Variants in CETP observed in about 807,000 individuals in gnomAD.
The protein encoded by CETP is cholesteryl ester transfer protein.
In CETP, 56 loss-of-function variants were observed where a neutral mutation model predicts 66.5. That is an observed-to-expected ratio of 0.84 (90% CI 0.68 to 1.05). The LOEUF (loss-of-function observed/expected upper bound fraction) is 1.05, where lower values mean the gene tolerates loss of function less well. CETP is among the 50% of genes least tolerant of loss of function. The pLI, the probability that CETP is intolerant of heterozygous loss-of-function variation, is 0.00. For missense variants in CETP, 612 were observed against 609.6 expected (o/e 1.00, Z -0.04); for synonymous variants, 251 against 245.7 (o/e 1.02, Z -0.20).
At chr16:56,967,510 C>T (rs1362090563) in intron 2 of CETP, among the ~76,000 whole-genome samples, 1 of 151,940 alleles carries the variant, frequency 6.6e-6, no homozygotes, top group African/African-American at 2.4e-5. Context: ...CAAAAATTAG[C>T]TGGATGTCGT....
At position 56,969,563 on chromosome 16, in the gene CETP, C is replaced by T; in HGVS notation, c.368+43C>T. 5 of 1,614,194 alleles carry T rather than the reference C, an allele frequency of 3.1e-6. No homozygotes were observed. In the South Asian group the frequency reaches 4.4e-5, roughly 14 times the overall value. ...CTGATGCCCCATGCCCTGGCCCTCTCTGGGCTGGAGGGCTGAATGAGGGTC... is the reference window on the plus strand; with the variant it reads ...CTGATGCCCCATGCCCTGGCCCTCTTTGGGCTGGAGGGCTGAATGAGGGTC... On this transcript the variant is annotated intron_variant, in intron 3 of 15. Coordinates refer to ENST00000200676, the MANE Select transcript of CETP (RefSeq NM_000078.3).
At position 56,969,485 on chromosome 16, in the gene CETP, G is replaced by A. The variant is rs2056092405; in HGVS notation, c.333G>A (p.Lys111=). The change falls in exon 3 of 16, where the codon AAG becomes AAA. Residue 111 remains lysine, a synonymous_variant. Transcript: ENST00000200676. ...VSIQNVSVVF[K]GTLKYGYTTA... is the part of the protein sequence containing the mutation. ...TTCAGAACGTGTCTGTGGTCTTCAA[G>A]GGGACCCTGAAGTATGGCTACACCA... 1 of 1,614,090 alleles carries A rather than the reference G, an allele frequency of 6.2e-7. No individual in the cohort carries two copies. Among genetic ancestry groups the A allele is most frequent in the African/African-American group, 1.3e-5 (1 of 74,926 alleles).
At chr16:56,983,183 C>A in intron 14 of CETP, 143 bp from the exon 15 acceptor site, 1 of 725,360 alleles carries the variant, frequency 1.4e-6, no homozygotes, top group Non-Finnish European at 2.5e-6. Context: ...CACTTGCTCA[C>A]TCTGCTAAAT....
chr16:56,962,389 G>T (rs1191708102), intron 1 of CETP: 1 of 655,084 alleles, frequency 1.5e-6, no homozygotes, highest in South Asian at 1.4e-5. Context: ...TTAGGGTTCA[G>T]ATCTGAGCCA....
intron 10 of CETP, among the ~76,000 whole-genome samples, chr16:56,975,994 G>A (rs1376980695): frequency 5.9e-5 from 9 of 152,138 alleles, no homozygotes; most frequent in African/African-American, 1.7e-4. Flanking sequence ...AACTCAGGCC[G>A]TCCAGCCTTC....
chr16:56,966,860 C>A (rs1429980145), intron 2 of CETP, among the ~76,000 whole-genome samples: 2 of 151,672 alleles, frequency 1.3e-5, no homozygotes, highest in African/African-American at 4.8e-5. Context: ...GATGATCCAC[C>A]TGCCTCGGCC....
At chr16:56,963,995 TTTATTTA>T (rs1567468787) in intron 2 of CETP, among the ~76,000 whole-genome samples, 6 of 12,528 alleles carry the variant, frequency 4.8e-4, no homozygotes, top group Admixed American at 2.1e-3. Flanking sequence ...CTTTATTTTA[TTTATTTA>T]TTTATTTATT....
chr16:56,972,294 C>T (rs906567878), intron 8 of CETP, among the ~76,000 whole-genome samples: 1 of 152,206 alleles, frequency 6.6e-6, no homozygotes, highest in Admixed American at 6.5e-5. Flanking sequence ...CTGCAGGCAC[C>T]AGGGCTGCCC....
chr16:56,971,240 T>TC, intron 6 of CETP, 81 bp from the exon 7 acceptor site: 1 of 1,548,044 alleles, frequency 6.5e-7, no homozygotes, highest in East Asian at 2.2e-5. Flanking sequence ...TCCCCAGCAC[T>TC]GCCACCACCA....
rs769765197 is a variant in CETP at position 56,978,186 on chromosome 16, T to C, written c.1077T>C (p.Ser359=). 10 of 1,614,118 alleles carry C rather than the reference T, an allele frequency of 6.2e-6. No individual in the cohort carries two copies. In the East Asian group the frequency reaches 2.2e-4, roughly 36 times the overall value. ...AAAACAAGGGAGTCGTGGTCAATTC[T>C]TCAGTGATGGTGAAATTCCTCTTTC... is the stretch of plus-strand genomic sequence containing the variant. The part of the protein sequence containing the change: ...SCQNKGVVVN[S]SVMVKFLFPR... Residue 359 remains serine, a synonymous_variant, in exon 11 of 16, where the codon TCT becomes TCC. Coordinates refer to ENST00000200676, the MANE Select transcript of CETP (RefSeq NM_000078.3).
intron 2 of CETP, among the ~76,000 whole-genome samples, chr16:56,967,311 C>T (rs769564438): frequency 4.0e-5 from 6 of 151,636 alleles, no homozygotes; most frequent in Admixed American, 6.6e-5. Context: ...GCCCGCTGCA[C>T]TCCAGCCTGG....
intron 1 of CETP, 96 bp downstream of exon 1, chr16:56,962,193 G>A (rs1013215601): frequency 1.1e-5 from 11 of 1,036,312 alleles, no homozygotes; most frequent in East Asian, 2.4e-5. Flanking sequence ...CCCTGAAGCC[G>A]GCTGCCACAC....
At chr16:56,964,510 C>T (rs2056051423) in intron 2 of CETP, among the ~76,000 whole-genome samples, 1 of 152,136 alleles carries the variant, frequency 6.6e-6, no homozygotes, top group South Asian at 2.1e-4. Flanking sequence ...CTCAGGCTGC[C>T]CTGGAGCCTG....
chr16:56,964,909 G>C (rs1469118801), intron 2 of CETP, among the ~76,000 whole-genome samples: 1 of 152,174 alleles, frequency 6.6e-6, no homozygotes. Flanking sequence ...GCCGAGGTAG[G>C]AGGATTACCT....
intron 2 of CETP, among the ~76,000 whole-genome samples, chr16:56,968,053 T>G (rs183262099): frequency 6.6e-6 from 1 of 152,200 alleles, no homozygotes; most frequent in Non-Finnish European, 1.5e-5. Flanking sequence ...CCAATCTATT[T>G]TTTTTTAATT....
chr16:56,973,555 G>A (rs1567473043), intron 9 of CETP, 45 bp downstream of exon 9: 16 of 1,608,180 alleles, frequency 9.9e-6, no homozygotes, highest in Non-Finnish European at 1.4e-5. Flanking sequence ...GATGGCATGT[G>A]GTATGTGTGT....
Position 56,969,645 on chromosome 16 carries a change from G to C in CETP, c.403G>C (p.Asp135His). The C allele has an allele frequency of 6.2e-7, 1 of 1,613,992 alleles. No individual in the cohort carries two copies. The highest frequency in any genetic ancestry group is 1.6e-4 in the Middle Eastern group (1 of 6,062). The change falls in exon 4 of 16, where the codon GAC becomes CAC. Residue 135 changes from aspartate to histidine, a missense_variant. Physicochemically the swap from Asp to His is moderately conservative, Grantham distance 81. Coordinates refer to ENST00000200676, the MANE Select transcript of CETP (RefSeq NM_000078.3). ...TGATCAGTCCATTGACTTCGAGATC[G>C]ACTCTGCCATTGACCTCCAGATCAA... ...GIDQSIDFEIDSAIDLQINTQ... is the reference protein window; with the variant it reads ...GIDQSIDFEIHSAIDLQINTQ...
At position 56,967,074 on chromosome 16, in the gene CETP, G is replaced by A. The variant is rs573857010; in HGVS notation, c.234-2312G>A. 1.7e-3 allele frequency among the ~76,000 whole-genome samples: 255 copies of A among 152,024 alleles called. 3 individuals carry two copies. The highest frequency in any genetic ancestry group is 1.4e-3 in the Admixed American group (22 of 15,256). On this transcript the variant is annotated intron_variant, in intron 2 of 15. Transcript: ENST00000200676. The stretch of plus-strand genomic sequence containing the variant: ...TCAAAAATTTGGTACGTGGCTGGGC[G>A]CAGTGGCTCAAACCTATAATCCCAG...
At chr16:56,969,865 C>A (rs748614904) in intron 4 of CETP, 49 bp from the exon 5 acceptor site, 2 of 1,594,736 alleles carry the variant, frequency 1.3e-6, no homozygotes, top group East Asian at 4.5e-5. Context: ...CATGTGGATA[C>A]CATCTGATAG....
Sources: allele counts gnomAD v4.1 joint callset (sites outside exome capture counted in the v4.1 genomes callset), GRCh38; gene constraint gnomAD v4.1.1; transcripts MANE v1.5; gene names NCBI Gene and HGNC (gene_info 2026-07-23, HGNC 2026-07-21).